Variants in RFC4 observed in about 807,000 individuals in gnomAD.
The protein encoded by RFC4 is A1 37 kDa subunit.
In RFC4, 38 loss-of-function variants were observed where a neutral mutation model predicts 47.6. That is an observed-to-expected ratio of 0.80 (90% CI 0.62 to 1.05). RFC4 has a LOEUF of 1.05. Among genes scored for constraint, RFC4 ranks in the 50% least tolerant of loss-of-function variants. The pLI, the probability that RFC4 is intolerant of heterozygous loss-of-function variation, is 0.00. For missense variants in RFC4, 489 were observed against 434.0 expected (o/e 1.13, Z -1.13); for synonymous variants, 164 against 150.0 (o/e 1.09, Z -0.68).
intron 10 of RFC4, 33 bp from the exon 11 acceptor site, chr3:186,790,097 C>T (rs879138444): frequency 6.9e-6 from 11 of 1,604,746 alleles, no homozygotes; most frequent in African/African-American, 1.3e-5. Context: ...TAGCATCCTT[C>T]AGGTAGTTAA....
At chr3:186,794,284 CT>C (rs981210111) in intron 5 of RFC4, among the ~76,000 whole-genome samples, 1 of 152,186 alleles carries the variant, frequency 6.6e-6, no homozygotes, top group Non-Finnish European at 1.5e-5. Context: ...ATCTCAGAGT[CT>C]TTTAGTCCAC....
chr3:186,804,442 A>T, intron 2 of RFC4, 141 bp downstream of exon 2: 1 of 738,508 alleles, frequency 1.4e-6, no homozygotes, highest in African/African-American at 1.8e-5. Flanking sequence ...TATGACTTAT[A>T]TAAGTGGGTG....
intron 3 of RFC4, 100 bp downstream of exon 3, chr3:186,801,017 C>G: frequency 2.3e-6 from 2 of 859,650 alleles, no homozygotes; most frequent in East Asian, 4.8e-5. Context: ...GTACACAGAG[C>G]AAGATATTTA....
rs1722253751 is a variant in RFC4 at position 186,796,883 on chromosome 3, T to C, written c.290+652A>G. 6.6e-6 allele frequency among the ~76,000 whole-genome samples: 1 copy of C among 152,232 alleles called. No homozygotes were observed. The highest frequency in any genetic ancestry group is 1.5e-5 in the Non-Finnish European group (1 of 68,038). ...TTGTTATGTTGGTGCATGTTTCATGTATATCAGACCCAGCCCACTACACAT... is the reference window on the plus strand; with the variant it reads ...TTGTTATGTTGGTGCATGTTTCATGCATATCAGACCCAGCCCACTACACAT... On this transcript the variant is annotated intron_variant, in intron 4 of 10. Transcript: ENST00000296273. The surrounding 1 kb of genome is among the most constrained non-coding windows in gnomAD (Gnocchi z 4.2).
chr3:186,801,710 CAAA>C (rs34281312), intron 2 of RFC4, among the ~76,000 whole-genome samples: 6 of 72,902 alleles, frequency 8.2e-5, no homozygotes, highest in Non-Finnish European at 2.6e-5. Flanking sequence ...GACTCTGTCT[CAAA>C]AAAAAAAAAA....
Position 186,791,803 on chromosome 3 carries a change from G to A in RFC4, c.723C>T (p.Ala241=). ...VKVSEGDLRK[A]ITFLQSATRL... The stretch of plus-strand genomic sequence containing the variant: ...GAGTAGCGCTTTGAAGAAATGTAAT[G>A]GCTTTTCTTAAGTCTCCTTCTGACA... The change falls in exon 8 of 11, where the codon GCC becomes GCT. Residue 241 remains alanine, a synonymous_variant. Coordinates refer to ENST00000296273, the MANE Select transcript of RFC4 (RefSeq NM_002916.5). The A allele has an allele frequency of 1.2e-6, 2 of 1,609,646 alleles. No homozygotes were observed. The highest frequency in any genetic ancestry group is 1.1e-5 in the South Asian group (1 of 90,984).
intron 2 of RFC4, 63 bp from the exon 3 acceptor site, chr3:186,801,258 C>G: frequency 8.3e-7 from 1 of 1,197,918 alleles, no homozygotes; most frequent in Non-Finnish European, 1.2e-6. Context: ...AGAAAACTCT[C>G]AAGTGTTCCT....
At position 186,804,641 on chromosome 3, in the gene RFC4, T is replaced by C. The variant is rs1722435696; in HGVS notation, c.73A>G (p.Ser25Gly). 6.2e-7 allele frequency: 1 copy of C among 1,614,168 alleles called. No individual in the cohort carries two copies. The highest frequency in any genetic ancestry group is 8.5e-7 in the Non-Finnish European group (1 of 1,180,030). Residue 25 changes from serine to glycine, a missense_variant, in exon 2 of 11, where the codon AGT (serine) becomes GGT (glycine). Physicochemically the swap from Ser to Gly is moderately conservative, Grantham distance 56. Around this residue, in one of 2 missense-constraint regions of RFC4, gnomAD observed 206 missense variants for 257.8 expected, o/e 0.80. Transcript: ENST00000296273. ...PLTKDRGVAA[S>G]AGSSGENKKA... ...TTGTTCTCTCCGCTACTTCCCGCACTGGCAGCTACTCCTCGATCCTTGGTC... is the reference window on the plus strand; with the variant it reads ...TTGTTCTCTCCGCTACTTCCCGCACCGGCAGCTACTCCTCGATCCTTGGTC...
rs534904650 is a variant in RFC4, at chr3:186,792,725, A to C, written c.554+79T>G. The C allele has an allele frequency of 1.5e-5, 23 of 1,555,946 alleles. No individual in the cohort carries two copies. The South Asian group carries it at 2.8e-4, about 19-fold the overall frequency. ...TGGAGGAAAAATTAATGTAGCCTTG[A>C]AAATCCTAAATTTCCTTTCCCTAAT... On this transcript the variant is annotated intron_variant, in intron 6 of 10. Coordinates refer to ENST00000296273, the MANE Select transcript of RFC4 (RefSeq NM_002916.5).
chr3:186,795,008 C>CT, intron 4 of RFC4: 2 of 495,076 alleles, frequency 4.0e-6, no homozygotes, highest in African/African-American at 2.0e-5. Flanking sequence ...AATTTCTTTT[C>CT]TTTTTATTTT....
At chr3:186,801,867 T>C (rs1722363638) in intron 2 of RFC4, among the ~76,000 whole-genome samples, 1 of 147,920 alleles carries the variant, frequency 6.8e-6, no homozygotes, top group African/African-American at 2.5e-5. Flanking sequence ...CTACTAAAAA[T>C]ATAAAATTAG....
intron 4 of RFC4, 41 bp downstream of exon 4, chr3:186,797,494 C>T: frequency 7.3e-7 from 1 of 1,366,996 alleles, no homozygotes. Context: ...ATTTTGGTGT[C>T]AAATCTTTAA....
intron 2 of RFC4, among the ~76,000 whole-genome samples, chr3:186,803,708 C>T (rs1267616277): frequency 4.1e-5 from 6 of 147,568 alleles, no homozygotes; most frequent in African/African-American, 7.5e-5. Flanking sequence ...GAGGGGGTTT[C>T]GACATGTTGG....
At chr3:186,805,619 G>C (rs1473390910) in intron 1 of RFC4, 5 of 152,126 alleles carry the variant, frequency 3.3e-5, no homozygotes, top group African/African-American at 1.2e-4. Flanking sequence ...AATAGAAACA[G>C]CTGTTTTTCT....
chr3:186,792,358 C>G, intron 7 of RFC4, 132 bp downstream of exon 7: 1 of 707,078 alleles, frequency 1.4e-6, no homozygotes, highest in Non-Finnish European at 2.3e-6. Context: ...AATTGTTGCC[C>G]CTTTAGCTTA....
chr3:186,804,785 C>A, intron 1 of RFC4, 61 bp from the exon 2 acceptor site: 1 of 1,527,198 alleles, frequency 6.5e-7, no homozygotes, highest in Admixed American at 1.9e-5. Flanking sequence ...CGAATCAGCA[C>A]CATAGGAAAG....
At chr3:186,798,028 G>A (rs1301997399) in intron 3 of RFC4, among the ~76,000 whole-genome samples, 2 of 152,114 alleles carry the variant, frequency 1.3e-5, no homozygotes, top group African/African-American at 4.8e-5. Flanking sequence ...CAGACCAAAA[G>A]AGTAATGGGA....
chr3:186,790,544 C>G, intron 8 of RFC4, 138 bp from the exon 9 acceptor site: 4 of 683,172 alleles, frequency 5.9e-6, no homozygotes, highest in East Asian at 2.7e-5. Context: ...TTTGGGAGAA[C>G]GGAAAGGGCC....
intron 8 of RFC4, chr3:186,791,519 C>T: frequency 1.7e-6 from 1 of 572,432 alleles, no homozygotes; most frequent in Non-Finnish European, 3.1e-6. Flanking sequence ...CTTTTCTTTC[C>T]TGAAATGTCT....
Sources: allele counts gnomAD v4.1 joint callset (sites outside exome capture counted in the v4.1 genomes callset), GRCh38; gene constraint gnomAD v4.1.1; regional missense constraint gnomAD v4.1.1; non-coding constraint Gnocchi (gnomAD v3.1); transcripts MANE v1.5; gene names NCBI Gene and HGNC (gene_info 2026-07-23, HGNC 2026-07-21).